PGAM5: variants seen among roughly 807,000 people sequenced by gnomAD.
PGAM5 encodes the protein serine/threonine-protein phosphatase PGAM5, mitochondrial.
PGAM5 carries 25 observed loss-of-function variants against 30.6 expected under a neutral mutation model. That is an observed-to-expected ratio of 0.82 (90% CI 0.60 to 1.14). The LOEUF (loss-of-function observed/expected upper bound fraction) is 1.14. Ranked by LOEUF, PGAM5 falls within the 50% of genes most tolerant of loss-of-function variation. The pLI is 0.00. For synonymous variants in PGAM5, 201 were observed against 179.1 expected (o/e 1.12, Z -0.98); for missense variants, 384 against 408.5 (o/e 0.94, Z 0.52).
intron 1 of PGAM5, among the ~76,000 whole-genome samples, chr12:132,712,306 GT>G (rs2043531413): frequency 6.6e-6 from 1 of 152,208 alleles, no homozygotes; most frequent in Non-Finnish European, 1.5e-5. Context: ...CCGTAGGCAT[GT>G]TTTGGCTGTG....
At chr12:132,718,864 C>A (rs1170937823) in intron 5 of PGAM5, 1 of 1,612,084 alleles carries the variant, frequency 6.2e-7, no homozygotes, top group East Asian at 2.2e-5. Flanking sequence ...AGCGTGACGG[C>A]TCGGGGTGTC....
chr12:132,716,106 G>A (rs1300716627), intron 2 of PGAM5, among the ~76,000 whole-genome samples: 1 of 151,818 alleles, frequency 6.6e-6, no homozygotes, highest in Non-Finnish European at 1.5e-5. Context: ...TTTGTTTTGA[G>A]ACATAGTCCT....
chr12:132,719,083 G>C, intron 5 of PGAM5: 1 of 1,402,354 alleles, frequency 7.1e-7, no homozygotes. Context: ...AGGGCCCCTT[G>C]GGGGGCAGGG....
intron 1 of PGAM5, chr12:132,711,618 A>C (rs2043523575): frequency 6.6e-6 from 1 of 152,026 alleles, no homozygotes; most frequent in African/African-American, 2.4e-5. Flanking sequence ...CCCCATCTCT[A>C]CAAAAAATAC....
chr12:132,717,597 A>G, intron 3 of PGAM5, 33 bp downstream of exon 3: 1 of 1,606,950 alleles, frequency 6.2e-7, no homozygotes, highest in Non-Finnish European at 8.5e-7. Flanking sequence ...CCATGCTTGC[A>G]GCAGTGGGCG....
Position 132,715,012 on chromosome 12 carries a change from A to G in PGAM5, c.346A>G (p.Lys116Glu), listed in dbSNP as rs2043560014. The change falls in exon 2 of 6, where the codon AAG (lysine) becomes GAG (glutamate). Residue 116 changes from lysine (K) to glutamate (E), a missense_variant. Coordinates refer to ENST00000498926, the MANE Select transcript of PGAM5 (RefSeq NM_001170543.2). ...SQYHVDGSLE[K>E]DRTLTPLGRE... ...GTACCACGTGGATGGCTCCCTGGAG[A>G]AGGACCGCACTCTGACCCCGCTGGG... The G allele has an allele frequency of 6.2e-7, 1 of 1,612,582 alleles. No individual in the cohort carries two copies. The highest frequency in any genetic ancestry group is 1.7e-5 in the Admixed American group (1 of 59,904).
rs10870498 is a variant in PGAM5 at position 132,720,596 on chromosome 12, A to G, written c.720-82A>G. 836,034 of 1,422,442 alleles carry G rather than the reference A, an allele frequency of 0.59. 249,586 individuals are homozygous for G. The highest frequency in any genetic ancestry group is 0.62 in the Non-Finnish European group (659,413 of 1,067,940). The allele number at this position is 1,422,442 out of a possible 1,614,324, so 88.1% of individuals were successfully genotyped here. A position where few individuals can be genotyped will look rare whatever the true frequency, so the allele number is the denominator to read the frequency against. On this transcript the variant is annotated intron_variant, in intron 5 of 5. Transcript: ENST00000498926. Reference sequence around the variant, plus strand: ...GCTGGGATTACAGGTGTGAGCCACCATGCCCGGCCTAGCTCAGCCCGTTTT... The same window carrying G: ...GCTGGGATTACAGGTGTGAGCCACCGTGCCCGGCCTAGCTCAGCCCGTTTT...
chr12:132,714,692 A>G, intron 1 of PGAM5, 166 bp from the exon 2 acceptor site: 1 of 674,662 alleles, frequency 1.5e-6, no homozygotes. Flanking sequence ...TGTGGGAGGG[A>G]GAGTGGCGGT....
chr12:132,720,938 G>A lies in PGAM5; in HGVS notation c.*110G>A. 7.6e-7 allele frequency: 1 copy of A among 1,323,742 alleles called. No individual in the cohort carries two copies. The highest frequency in any genetic ancestry group is 1.0e-6 in the Non-Finnish European group (1 of 989,796). The allele number at this position is 1,323,742 out of a possible 1,614,324, so 82.0% of individuals were successfully genotyped here. On this transcript the variant is annotated 3_prime_UTR_variant, in exon 6 of 6. Transcript: ENST00000498926. ...TAGAAACCTGCAATGCTGCATCTGGGAACTGACTTGTGACCAGGCTGAGAA... is the reference window on the plus strand; with the variant it reads ...TAGAAACCTGCAATGCTGCATCTGGAAACTGACTTGTGACCAGGCTGAGAA...
chr12:132,711,777 C>A (rs1469542332), intron 1 of PGAM5: 2 of 150,282 alleles, frequency 1.3e-5, no homozygotes, highest in Non-Finnish European at 2.9e-5. Context: ...GCAACAGAGC[C>A]TGTCTCAAAG....
intron 2 of PGAM5, among the ~76,000 whole-genome samples, chr12:132,716,298 GA>G (rs1253653761): frequency 8.5e-4 from 129 of 152,104 alleles, no homozygotes; most frequent in African/African-American, 3.0e-3. Flanking sequence ...TGTTAGCCAG[GA>G]TGGTCTCTAT....
chr12:132,717,409 T>G (rs2043591128), intron 2 of PGAM5, 30 bp from the exon 3 acceptor site: 2 of 1,555,172 alleles, frequency 1.3e-6, no homozygotes, highest in Non-Finnish European at 1.7e-6. Flanking sequence ...GGGGTGCAGG[T>G]GCGGCACTCA....
chr12:132,721,040 G>A lies in PGAM5; in HGVS notation c.*212G>A, dbSNP rs2043639928. ...ACCATGAACCCCCAGGATGGCGTGG[G>A]GTTTAAGGTGAAAGCGTCTCACGCA... On this transcript the variant is annotated 3_prime_UTR_variant, in exon 6 of 6. Coordinates refer to ENST00000498926, the MANE Select transcript of PGAM5 (RefSeq NM_001170543.2). 27 of 556,972 alleles carry A rather than the reference G, an allele frequency of 4.8e-5. No homozygotes were observed. The South Asian group carries it at 6.9e-4, about 14-fold the overall frequency. 34.5% of individuals were successfully genotyped at this position (556,972 alleles called of 1,614,324 possible). A position where few individuals can be genotyped will look rare whatever the true frequency, so the allele number is the denominator to read the frequency against.
intron 2 of PGAM5, among the ~76,000 whole-genome samples, chr12:132,715,293 G>T (rs12818952): frequency 6.6e-6 from 1 of 151,162 alleles, no homozygotes; most frequent in South Asian, 2.1e-4. Flanking sequence ...TACCTTGGCC[G>T]GGCGCGGTGG....
In PGAM5 at chr12:132,717,412, G is replaced by A. The variant is rs375366348; in HGVS notation, c.371-27G>A. The A allele has an allele frequency of 2.0e-4, 323 of 1,600,874 alleles. No homozygotes were observed. The African/African-American group carries it at 3.3e-3, about 16-fold the overall frequency. On this transcript the variant is annotated intron_variant, in intron 2 of 5. Transcript: ENST00000498926. ...AGGGTGGAGGAGGGGGTGCAGGTGC[G>A]GCACTCAGGTGCCTTTCACCTTCCA...
chr12:132,719,068 G>A (rs932856340), intron 5 of PGAM5: 47 of 1,413,378 alleles, frequency 3.3e-5, no homozygotes, highest in Middle Eastern at 2.6e-4. Context: ...CTGCAGCCAC[G>A]TTAGAGGGCC....
chr12:132,719,864 C>A (rs984347211), intron 5 of PGAM5, among the ~76,000 whole-genome samples: 2 of 152,210 alleles, frequency 1.3e-5, no homozygotes, highest in Admixed American at 6.5e-5. Flanking sequence ...GCGAATTGTG[C>A]CTAAGAAGTG....
chr12:132,718,805 T>C, intron 5 of PGAM5: 1 of 1,613,466 alleles, frequency 6.2e-7, no homozygotes, highest in Non-Finnish European at 8.5e-7. Context: ...GCTTCTGGGG[T>C]CCTGACCTCT....
At chr12:132,719,290 G>A (rs752355381) in intron 5 of PGAM5, 909 of 1,023,974 alleles carry the variant, frequency 8.9e-4, no homozygotes, top group Non-Finnish European at 9.9e-4. Flanking sequence ...GATGCCGTGT[G>A]AGGCTGGGCC....
Sources: allele counts gnomAD v4.1 joint callset (sites outside exome capture counted in the v4.1 genomes callset), GRCh38; gene constraint gnomAD v4.1.1; transcripts MANE v1.5; gene names NCBI Gene and HGNC (gene_info 2026-07-23, HGNC 2026-07-21).